GREB1L: variants seen among roughly 807,000 people sequenced by gnomAD.
GREB1L encodes the protein GREB1-like protein.
Under a neutral mutation model 200.8 loss-of-function variants are expected in GREB1L, and 17 were observed. The ratio of observed to expected loss-of-function variants is 0.08; its 90% CI spans 0.06 to 0.13. The LOEUF (loss-of-function observed/expected upper bound fraction) is 0.13. GREB1L is among the 10% of genes least tolerant of loss of function. The pLI is 1.00. For missense variants in GREB1L, 1,657 were observed against 2,367.7 expected, an observed-to-expected ratio of 0.70 and a Z score of 6.23; for synonymous variants, 789 against 893.0, an observed-to-expected ratio of 0.88 and a Z score of 2.08.
At chr18:21,468,295 A>G (rs1271931402) in intron 15 of GREB1L, among the ~76,000 whole-genome samples, 2 of 152,212 alleles carry the variant, frequency 1.3e-5, no homozygotes, top group Non-Finnish European at 2.9e-5. Context: ...ACAAGATTGC[A>G]TCTTGTACAA....
chr18:21,258,245 A>G (rs1426631049), intron 1 of GREB1L, among the ~76,000 whole-genome samples: 1 of 152,192 alleles, frequency 6.6e-6, no homozygotes, highest in Non-Finnish European at 1.5e-5. Flanking sequence ...ATTTAGTGCC[A>G]TATTTTTGGG....
intron 1 of GREB1L, among the ~76,000 whole-genome samples, chr18:21,298,087 A>C (rs4800582): frequency 1 from 151,573 of 152,250 alleles, 75,452 homozygotes; most frequent in East Asian, 1. Flanking sequence ...ACAGCCCTCA[A>C]AAGGGAACCC....
At chr18:21,268,560 C>CACACACATATATATATATAT (rs1204514384) in intron 1 of GREB1L, among the ~76,000 whole-genome samples, 1 of 63,534 alleles carries the variant, frequency 1.6e-5, no homozygotes, top group African/African-American at 7.5e-5. Flanking sequence ...CACACACACA[C>CACACACATATATATATATAT]ATATATATAT....
chr18:21,287,471 C>T (rs1166674919), intron 1 of GREB1L, among the ~76,000 whole-genome samples: 3 of 152,068 alleles, frequency 2.0e-5, no homozygotes, highest in African/African-American at 4.8e-5. Flanking sequence ...TATCTTCTTT[C>T]GAAAGAAGAT....
At position 21,444,323 on chromosome 18, in the gene GREB1L, A is replaced by C; in HGVS notation, c.1307A>C (p.Asp436Ala). The stretch of plus-strand genomic sequence containing the variant: ...AAGATTCCACAGTTGGAAAACAAAG[A>C]TTTGGAAAAATTAGGGTTGACCGGC... ...CYKIPQLENKDLEKLGLTGSQ... is the reference protein window; with the variant it reads ...CYKIPQLENKALEKLGLTGSQ... The change falls in exon 11 of 33, where the codon GAT (aspartate) becomes GCT (alanine). Residue 436 changes from aspartate to alanine, a missense_variant. Physicochemically the swap from Asp to Ala is moderately radical, Grantham distance 126. Coordinates refer to ENST00000424526, the MANE Select transcript of GREB1L (RefSeq NM_001142966.3). 1 of 1,552,124 alleles carries C rather than the reference A, an allele frequency of 6.4e-7. No homozygotes were observed. Among genetic ancestry groups the C allele is most frequent in the Non-Finnish European group, 8.7e-7 (1 of 1,146,956 alleles).
chr18:21,343,766 C>A (rs570101953), intron 1 of GREB1L, among the ~76,000 whole-genome samples: 1 of 135,716 alleles, frequency 7.4e-6, no homozygotes, highest in Admixed American at 8.0e-5. Context: ...GACAGAGTCT[C>A]GCTCTGTCAC....
At chr18:21,343,287 G>T (rs1281069322) in intron 1 of GREB1L, among the ~76,000 whole-genome samples, 11 of 152,182 alleles carry the variant, frequency 7.2e-5, no homozygotes, top group Admixed American at 7.2e-4. Flanking sequence ...CCTTGTATCT[G>T]ATAAAATGTC....
chr18:21,508,096 C>G, intron 25 of GREB1L, 22 bp from the exon 26 acceptor site: 1 of 1,549,910 alleles, frequency 6.5e-7, no homozygotes, highest in Non-Finnish European at 8.7e-7. Context: ...ACGTTCCCTC[C>G]CTTTCTTCTT....
intron 4 of GREB1L, among the ~76,000 whole-genome samples, chr18:21,385,370 AC>A (rs2040495976): frequency 6.7e-6 from 1 of 149,520 alleles, no homozygotes. Context: ...TTTTCTCTTG[AC>A]TTTTTTTTTT....
intron 1 of GREB1L, among the ~76,000 whole-genome samples, chr18:21,352,063 G>A (rs1403584820): frequency 6.6e-6 from 1 of 151,760 alleles, no homozygotes; most frequent in Non-Finnish European, 1.5e-5. Flanking sequence ...GGCCAGGCTG[G>A]TCTCAAACTC....
intron 2 of GREB1L, among the ~76,000 whole-genome samples, chr18:21,368,468 G>GA (rs960409827): frequency 1.5e-4 from 22 of 151,584 alleles, no homozygotes; most frequent in African/African-American, 4.4e-4. Context: ...GAATGTTTAA[G>GA]AAAAAAAACA....
chr18:21,490,426 C>T, intron 19 of GREB1L, 75 bp downstream of exon 19: 1 of 1,293,710 alleles, frequency 7.7e-7, no homozygotes, highest in Non-Finnish European at 1.1e-6. Flanking sequence ...ATAGGTGGCT[C>T]AGGGGCCTGA....
chr18:21,362,926 T>C (rs2039599906), intron 1 of GREB1L, among the ~76,000 whole-genome samples: 1 of 152,202 alleles, frequency 6.6e-6, no homozygotes, highest in Non-Finnish European at 1.5e-5. Context: ...CTTTCCTTTG[T>C]TAGAAAAGAG....
intron 1 of GREB1L, among the ~76,000 whole-genome samples, chr18:21,337,814 G>T (rs1308956289): frequency 6.6e-6 from 1 of 151,858 alleles, no homozygotes; most frequent in East Asian, 1.9e-4. Context: ...GTGAAACCCC[G>T]TCTCTACTAA....
intron 1 of GREB1L, among the ~76,000 whole-genome samples, chr18:21,348,673 G>T (rs1164144870): frequency 2.0e-5 from 3 of 152,122 alleles, no homozygotes; most frequent in Non-Finnish European, 4.4e-5. Context: ...TACCCGGGAG[G>T]CTGAGGCAGG....
chr18:21,409,188 C>A (rs1379774768), intron 7 of GREB1L, among the ~76,000 whole-genome samples: 1 of 152,088 alleles, frequency 6.6e-6, no homozygotes. Context: ...GAATACCATC[C>A]AGCGATAACA....
At chr18:21,457,582 T>A (rs573733268) in intron 15 of GREB1L, among the ~76,000 whole-genome samples, 122 of 152,352 alleles carry the variant, frequency 8.0e-4, no homozygotes, top group Non-Finnish European at 1.4e-3. Flanking sequence ...ACCTCTGTTT[T>A]TTTCACTTGG....
At chr18:21,519,710 G>C (rs2037545578) in intron 31 of GREB1L, among the ~76,000 whole-genome samples, 1 of 152,138 alleles carries the variant, frequency 6.6e-6, no homozygotes, top group South Asian at 2.1e-4. Context: ...TACAGATGAG[G>C]AAACTGAGGT....
chr18:21,398,650 A>C (rs2041185688), intron 5 of GREB1L, among the ~76,000 whole-genome samples: 1 of 152,232 alleles, frequency 6.6e-6, no homozygotes, highest in Non-Finnish European at 1.5e-5. Flanking sequence ...TTTCGTATGC[A>C]TTAAAATATA....
Sources: allele counts gnomAD v4.1 joint callset (sites outside exome capture counted in the v4.1 genomes callset), GRCh38; gene constraint gnomAD v4.1.1; transcripts MANE v1.5; gene names NCBI Gene and HGNC (gene_info 2026-07-23, HGNC 2026-07-21).